TRPS1: variants seen among roughly 807,000 people sequenced by gnomAD.
The protein encoded by TRPS1 is zinc finger transcription factor Trps1.
Under a neutral mutation model 101.2 loss-of-function variants are expected in TRPS1, and 6 were observed. The ratio of observed to expected loss-of-function variants is 0.06; its 90% CI spans 0.03 to 0.12. The LOEUF is 0.12. Among genes scored for constraint, TRPS1 ranks in the 10% least tolerant of loss-of-function variants. The pLI, the probability that TRPS1 is intolerant of heterozygous loss-of-function variation, is 1.00. For synonymous variants in TRPS1, 578 were observed against 589.8 expected, an observed-to-expected ratio of 0.98 and a Z score of 0.29; for missense variants, 1,363 against 1,567.0, an observed-to-expected ratio of 0.87 and a Z score of 2.20.
Position 115,587,417 on chromosome 8 carries a change from G to T in TRPS1, c.2284C>A (p.Leu762Met). Residue 762 changes from leucine (L) to methionine (M), a missense_variant, in exon 5 of 7, where the codon CTG becomes ATG. Transcript: ENST00000395715. ...EPKIDFRVYN[L>M]LTPDSKMGEP... Reference sequence around the variant, plus strand: ...CCCATTTTAGAGTCTGGAGTTAGCAGATTGTAGACCCTGAAGTCAATTTTG... The same window carrying T: ...CCCATTTTAGAGTCTGGAGTTAGCATATTGTAGACCCTGAAGTCAATTTTG... The T allele has an allele frequency of 1.2e-6, 2 of 1,614,148 alleles. No homozygotes were observed. The highest frequency in any genetic ancestry group is 1.7e-6 in the Non-Finnish European group (2 of 1,180,020).
intron 5 of TRPS1, among the ~76,000 whole-genome samples, chr8:115,471,368 T>A (rs1168220362): frequency 6.6e-6 from 1 of 152,158 alleles, no homozygotes; most frequent in Non-Finnish European, 1.5e-5. Flanking sequence ...TATAAAGCCA[T>A]CAGATATCTT....
At chr8:115,488,155 A>C (rs1005227533) in intron 5 of TRPS1, among the ~76,000 whole-genome samples, 8 of 152,216 alleles carry the variant, frequency 5.3e-5, no homozygotes, top group African/African-American at 1.9e-4. Flanking sequence ...GACTCCTTAG[A>C]GGCTTAGATA....
Position 115,604,680 on chromosome 8 carries a change from A to C in TRPS1, c.1289T>G (p.Ile430Arg). Residue 430 changes from isoleucine (I) to arginine (R), a missense_variant, in exon 4 of 7, where the codon ATA (isoleucine) becomes AGA (arginine). Physicochemically the swap from Ile to Arg is moderately conservative, Grantham distance 97. This residue lies in a region of TRPS1 where 1,020 missense variants were observed against 1,073.0 expected (regional missense o/e 0.95). Transcript: ENST00000395715. The surrounding 1 kb of genome is among the most constrained non-coding windows in gnomAD (Gnocchi z 4.1). ...TTGTCTAGAGGAATCGAGGGGCTTT[A>C]TGGGCACTGAGTACCCAACAGGAGT... ...DDTPVGYSVPIKPLDSSRQNG... is the reference protein window; with the variant it reads ...DDTPVGYSVPRKPLDSSRQNG... 1 of 1,613,952 alleles carries C rather than the reference A, an allele frequency of 6.2e-7. No individual in the cohort carries two copies. Among genetic ancestry groups the C allele is most frequent in the Non-Finnish European group, 8.5e-7 (1 of 1,179,954 alleles).
intron 5 of TRPS1, among the ~76,000 whole-genome samples, chr8:115,432,175 A>G (rs1398832870): frequency 6.6e-6 from 1 of 150,944 alleles, no homozygotes; most frequent in Non-Finnish European, 1.5e-5. Context: ...TGTAAATAAA[A>G]TAAATATAAA....
Position 115,554,239 on chromosome 8 carries a change from TA to T in TRPS1, c.2700+32761del, listed in dbSNP as rs1816766700. Among the ~76,000 whole-genome samples, 5 of 152,254 alleles carry T rather than the reference TA, an allele frequency of 3.3e-5. No homozygotes were observed. The South Asian group carries it at 1.0e-3, about 32-fold the overall frequency. ...AGCATTTCTAGTCATTAATGAATAA[TA>T]GGGGAGGATTTTTTTCTCCCTTTCT... On this transcript the variant is annotated intron_variant, in intron 5 of 6. Transcript: ENST00000395715.
At chr8:115,563,068 T>C (rs997289948) in intron 5 of TRPS1, among the ~76,000 whole-genome samples, 1 of 151,892 alleles carries the variant, frequency 6.6e-6, no homozygotes, top group African/African-American at 2.4e-5. Flanking sequence ...ATGTGGATTA[T>C]GTGAATGAAA....
intron 5 of TRPS1, among the ~76,000 whole-genome samples, chr8:115,458,594 TC>T (rs1402780944): frequency 4.6e-5 from 7 of 152,094 alleles, no homozygotes; most frequent in Admixed American, 1.3e-4. Flanking sequence ...AATGTAACAA[TC>T]CCCTTTTAAG....
chr8:115,504,998 A>T lies in TRPS1; in HGVS notation c.2700+82003T>A, dbSNP rs150888657. ...CATATATATCTTCATATTCATATAG[A>T]GAACCACATCATCTGTCATCCTGGT... is the stretch of plus-strand genomic sequence containing the variant. On this transcript the variant is annotated intron_variant, in intron 5 of 6. Transcript: ENST00000395715. 1.1e-3 allele frequency among the ~76,000 whole-genome samples: 163 copies of T among 152,244 alleles called. 1 individual carries two copies. The highest frequency in any genetic ancestry group is 3.9e-3 in the African/African-American group (161 of 41,566).
At chr8:115,616,067 A>C (rs1412915500) in intron 3 of TRPS1, among the ~76,000 whole-genome samples, 1 of 151,974 alleles carries the variant, frequency 6.6e-6, no homozygotes, top group Admixed American at 6.5e-5. Context: ...TTCTGCTTTT[A>C]GGACTGGGCA....
chr8:115,573,820 A>T (rs983926388), intron 5 of TRPS1, among the ~76,000 whole-genome samples: 1 of 152,264 alleles, frequency 6.6e-6, no homozygotes, highest in Admixed American at 6.5e-5. Flanking sequence ...CTATATCCTG[A>T]AAATGCCCCT....
intron 1 of TRPS1, among the ~76,000 whole-genome samples, chr8:115,653,043 C>T (rs534075246): frequency 3.3e-5 from 5 of 152,200 alleles, no homozygotes; most frequent in Admixed American, 6.5e-5. Context: ...CAACAAAAAA[C>T]GGTGTTTTCT....
intron 5 of TRPS1, among the ~76,000 whole-genome samples, chr8:115,482,611 C>G (rs969496818): frequency 1.3e-5 from 2 of 152,132 alleles, no homozygotes; most frequent in Admixed American, 1.3e-4. Context: ...GTTCCTTAAA[C>G]CCCAACAAAG....
At position 115,452,240 on chromosome 8, in the gene TRPS1, C is replaced by T. The variant is rs1813893552; in HGVS notation, c.2701-33788G>A. 2.0e-5 allele frequency among the ~76,000 whole-genome samples: 3 copies of T among 152,036 alleles called. No homozygotes were observed. The South Asian group carries it at 6.2e-4, about 32-fold the overall frequency. Reference sequence around the variant, plus strand: ...TAGTAATAAAGTGCTAAGCAGAAGACAGGAAATACTAGAGAAGTCGAACAA... The same window carrying T: ...TAGTAATAAAGTGCTAAGCAGAAGATAGGAAATACTAGAGAAGTCGAACAA... On this transcript the variant is annotated intron_variant, in intron 5 of 6. Coordinates refer to ENST00000395715, the MANE Select transcript of TRPS1 (RefSeq NM_014112.5).
chr8:115,585,057 G>C (rs1200721265), intron 5 of TRPS1, among the ~76,000 whole-genome samples: 1 of 152,086 alleles, frequency 6.6e-6, no homozygotes, highest in Admixed American at 6.5e-5. Context: ...AAATTTAGTA[G>C]ATTACAGCCT....
At chr8:115,526,629 T>C (rs1447776600) in intron 5 of TRPS1, among the ~76,000 whole-genome samples, 1 of 152,088 alleles carries the variant, frequency 6.6e-6, no homozygotes, top group Non-Finnish European at 1.5e-5. Context: ...AAATCACAGT[T>C]AAAAATCACA....
intron 2 of TRPS1, among the ~76,000 whole-genome samples, chr8:115,622,994 G>C (rs1372697192): frequency 1.3e-5 from 2 of 152,112 alleles, no homozygotes; most frequent in Non-Finnish European, 2.9e-5. Flanking sequence ...TTTAGCTCTA[G>C]TTGATTTATT....
chr8:115,557,735 G>C (rs1454849930), intron 5 of TRPS1, among the ~76,000 whole-genome samples: 1 of 152,038 alleles, frequency 6.6e-6, no homozygotes, highest in African/African-American at 2.4e-5. Flanking sequence ...TTTCTTCATT[G>C]CAAAGTGAGA....
At chr8:115,603,562 C>T (rs189270674) in intron 4 of TRPS1, among the ~76,000 whole-genome samples, 24 of 152,090 alleles carry the variant, frequency 1.6e-4, no homozygotes, top group Admixed American at 1.0e-3. Context: ...AAATGGACTA[C>T]GGTAAATTAG....
At chr8:115,531,950 G>GT (rs576047377) in intron 5 of TRPS1, among the ~76,000 whole-genome samples, 4 of 152,080 alleles carry the variant, frequency 2.6e-5, no homozygotes, top group Non-Finnish European at 5.9e-5. Flanking sequence ...GGGTTTCTGA[G>GT]TTGCTGGTTG....
Sources: allele counts gnomAD v4.1 joint callset (sites outside exome capture counted in the v4.1 genomes callset), GRCh38; gene constraint gnomAD v4.1.1; regional missense constraint gnomAD v4.1.1; non-coding constraint Gnocchi (gnomAD v3.1); transcripts MANE v1.5; gene names NCBI Gene and HGNC (gene_info 2026-07-23, HGNC 2026-07-21).